CPD: variants seen among roughly 807,000 people sequenced by gnomAD.
CPD encodes carboxypeptidase D, also known as metallocarboxypeptidase D.
Under a neutral mutation model 138.3 loss-of-function variants are expected in CPD, and 69 were observed. The observed-to-expected ratio is 0.50, with a 90% confidence interval of 0.41 to 0.61. The LOEUF is 0.61. Among genes scored for constraint, CPD ranks in the 20% least tolerant of loss-of-function variants. The pLI is 0.00. For missense variants in CPD, 1,432 were observed against 1,733.3 expected, an observed-to-expected ratio of 0.83 and a Z score of 3.09; for synonymous variants, 651 against 642.1, an observed-to-expected ratio of 1.01 and a Z score of -0.21.
rs1410333260 is a variant in CPD, at chr17:30,379,181, G to A, written c.201G>A (p.Ala67=). The A allele has an allele frequency of 2.0e-6, 3 of 1,532,788 alleles. No individual in the cohort carries two copies. The highest frequency in any genetic ancestry group is 2.6e-6 in the Non-Finnish European group (3 of 1,143,694). The allele number at this position is 1,532,788 out of a possible 1,614,324, so 94.9% of individuals were successfully genotyped here. A position where few individuals can be genotyped will look rare whatever the true frequency, so the allele number is the denominator to read the frequency against. The stretch of plus-strand genomic sequence containing the variant: ...ACCACGAAGAGGAGTTGGAGTCGGC[G>A]CTGAGGGAGGCGGCGGCCGCGGGCC... ...RYYHEEELES[A]LREAAAAGLP... Residue 67 remains alanine (A), a synonymous_variant, in exon 1 of 21, where the codon GCG becomes GCA. Coordinates refer to ENST00000225719, the MANE Select transcript of CPD (RefSeq NM_001304.5). This position sits in a 1 kb window ranked among gnomAD's most constrained non-coding sequence, Gnocchi z 7.0.
chr17:30,404,395 C>A (rs1305779759), intron 2 of CPD, among the ~76,000 whole-genome samples: 1 of 152,038 alleles, frequency 6.6e-6, no homozygotes, highest in Non-Finnish European at 1.5e-5. Context: ...CTTGTATATG[C>A]CGTTTTATAA....
Position 30,379,023 on chromosome 17 carries a change from C to T in CPD, c.43C>T (p.Arg15Trp), listed in dbSNP as rs759413068. 4.5e-6 allele frequency: 7 copies of T among 1,556,420 alleles called. No individual in the cohort carries two copies. The highest frequency in any genetic ancestry group is 5.1e-5 in the East Asian group (2 of 39,206). Residue 15 changes from arginine (R) to tryptophan (W), a missense_variant, in exon 1 of 21, where the codon CGG becomes TGG. This residue lies in a region of CPD where 484 missense variants were observed against 477.2 expected (regional missense o/e 1.01). Coordinates refer to ENST00000225719, the MANE Select transcript of CPD (RefSeq NM_001304.5). The surrounding 1 kb of genome is among the most constrained non-coding windows in gnomAD (Gnocchi z 7.0). ...RDERPPWRLG[R>W]LLLLMCLLLL... ...CGAGCGGCCGCCTTGGCGGCTAGGG[C>T]GGCTCCTGTTGCTCATGTGCCTGCT...
intron 2 of CPD, among the ~76,000 whole-genome samples, chr17:30,392,230 T>A (rs7213459): frequency 6.6e-6 from 1 of 151,188 alleles, no homozygotes; most frequent in Non-Finnish European, 1.5e-5. Context: ...GGCTGCTCTC[T>A]AACTCCTGAC....
intron 2 of CPD, among the ~76,000 whole-genome samples, chr17:30,418,152 G>A (rs909704472): frequency 4.0e-5 from 6 of 151,798 alleles, no homozygotes; most frequent in Non-Finnish European, 5.9e-5. Flanking sequence ...TAGTGGCATA[G>A]ACCCATAATA....
At chr17:30,383,091 T>C (rs1163491957) in intron 1 of CPD, among the ~76,000 whole-genome samples, 2 of 152,162 alleles carry the variant, frequency 1.3e-5, no homozygotes, top group African/African-American at 2.4e-5. Context: ...GAGAGGTGGT[T>C]AGAGTGGAGT....
intron 2 of CPD, among the ~76,000 whole-genome samples, chr17:30,403,732 A>G (rs907027132): frequency 2.6e-5 from 4 of 152,146 alleles, no homozygotes; most frequent in African/African-American, 7.2e-5. Context: ...TTAGAAAACA[A>G]TTTCTTACAA....
chr17:30,386,561 C>T (rs1911194036), intron 2 of CPD, among the ~76,000 whole-genome samples: 1 of 152,000 alleles, frequency 6.6e-6, no homozygotes, highest in Non-Finnish European at 1.5e-5. Context: ...TGTTCATCAT[C>T]CCAAACAGAA....
At chr17:30,452,474 G>C (rs1323731095) in intron 14 of CPD, among the ~76,000 whole-genome samples, 1 of 150,682 alleles carries the variant, frequency 6.6e-6, no homozygotes, top group Non-Finnish European at 1.5e-5. Flanking sequence ...GTTTTATCAT[G>C]TTGACCAGGC....
At chr17:30,445,107 G>A (rs1023937538) in intron 11 of CPD, among the ~76,000 whole-genome samples, 1 of 152,116 alleles carries the variant, frequency 6.6e-6, no homozygotes, top group African/African-American at 2.4e-5. Context: ...GTGAATTTAA[G>A]TTCCAGGAGA....
At chr17:30,450,579 TG>T (rs1913143202) in intron 13 of CPD, among the ~76,000 whole-genome samples, 1 of 152,196 alleles carries the variant, frequency 6.6e-6, no homozygotes, top group Non-Finnish European at 1.5e-5. Context: ...GAACTTTGAC[TG>T]GGGTGTGATG....
chr17:30,433,227 T>C (rs979554269), intron 8 of CPD, among the ~76,000 whole-genome samples: 2 of 152,192 alleles, frequency 1.3e-5, no homozygotes, highest in Non-Finnish European at 2.9e-5. Context: ...TTTGGACATA[T>C]ATGTTTTTTT....
At chr17:30,462,942 G>C (rs554145816) in intron 20 of CPD, among the ~76,000 whole-genome samples, 8 of 152,358 alleles carry the variant, frequency 5.3e-5, no homozygotes, top group African/African-American at 1.9e-4. Context: ...TGTCCTTAAG[G>C]CACAGATCAC....
At chr17:30,460,600 T>C (rs1272923975) in intron 17 of CPD, among the ~76,000 whole-genome samples, 1 of 152,178 alleles carries the variant, frequency 6.6e-6, no homozygotes, top group African/African-American at 2.4e-5. Flanking sequence ...AGAGGTTTCA[T>C]TGCTATGTAA....
chr17:30,456,606 C>T, intron 17 of CPD, 80 bp downstream of exon 17: 1 of 1,396,698 alleles, frequency 7.2e-7, no homozygotes. Context: ...CTTTGGGAGG[C>T]CAAGGCAGGT....
chr17:30,456,422 T>C lies in CPD; in HGVS notation c.3434-40T>C, dbSNP rs769639081. 1.2e-5 allele frequency: 19 copies of C among 1,609,748 alleles called. No individual in the cohort carries two copies. In the Admixed American group the frequency reaches 3.0e-4, roughly 25 times the overall value. The stretch of plus-strand genomic sequence containing the variant: ...TTTTGTGGGGAAAGGAGTTTCACCT[T>C]AAGGTCTTCCTGATTCCACATCTCT... On this transcript the variant is annotated intron_variant, in intron 16 of 20. Coordinates refer to ENST00000225719, the MANE Select transcript of CPD (RefSeq NM_001304.5).
At chr17:30,425,722 T>C (rs1912388598) in intron 6 of CPD, among the ~76,000 whole-genome samples, 1 of 151,686 alleles carries the variant, frequency 6.6e-6, no homozygotes, top group South Asian at 2.1e-4. Context: ...ATTGTGATAA[T>C]GTCATTATAT....
intron 7 of CPD, among the ~76,000 whole-genome samples, chr17:30,430,959 T>G (rs1201361621): frequency 6.6e-6 from 1 of 152,166 alleles, no homozygotes; most frequent in African/African-American, 2.4e-5. Context: ...ACGCAGCCCC[T>G]GTATTCAGTT....
chr17:30,389,138 A>C (rs1420713326), intron 2 of CPD, among the ~76,000 whole-genome samples: 1 of 152,104 alleles, frequency 6.6e-6, no homozygotes, highest in African/African-American at 2.4e-5. Context: ...GGCAGCCCCC[A>C]GGGCAGCGGG....
At chr17:30,460,115 G>C (rs1482211523) in intron 17 of CPD, among the ~76,000 whole-genome samples, 1 of 152,202 alleles carries the variant, frequency 6.6e-6, no homozygotes, top group Non-Finnish European at 1.5e-5. Context: ...TATCTAGTCA[G>C]AGATACAGCC....
Sources: allele counts gnomAD v4.1 joint callset (sites outside exome capture counted in the v4.1 genomes callset), GRCh38; gene constraint gnomAD v4.1.1; regional missense constraint gnomAD v4.1.1; non-coding constraint Gnocchi (gnomAD v3.1); transcripts MANE v1.5; gene names NCBI Gene and HGNC (gene_info 2026-07-23, HGNC 2026-07-21).